The following DNM3 variants were observed in gnomAD, a reference collection of about 807,000 sequenced individuals.
DNM3 encodes the protein dynamin 3.
A neutral mutation model predicts 101.6 loss-of-function variants in DNM3; 47 were observed. That is an observed-to-expected ratio of 0.46 (90% CI 0.37 to 0.59). The LOEUF (loss-of-function observed/expected upper bound fraction) is 0.59. Among genes scored for constraint, DNM3 ranks in the 20% least tolerant of loss-of-function variants. DNM3 has a pLI of 0.00. For missense variants in DNM3, 849 were observed against 1,085.7 expected, an observed-to-expected ratio of 0.78 and a Z score of 3.06; for synonymous variants, 385 against 387.9, an observed-to-expected ratio of 0.99 and a Z score of 0.09.
intron 2 of DNM3, among the ~76,000 whole-genome samples, chr1:171,944,530 T>A (rs1026971349): frequency 6.6e-6 from 1 of 151,874 alleles, no homozygotes; most frequent in African/African-American, 2.4e-5. Context: ...TGTGCCATCA[T>A]GCCCAGCTAA....
chr1:171,842,370 T>C (rs2031389098), intron 1 of DNM3, among the ~76,000 whole-genome samples: 1 of 152,134 alleles, frequency 6.6e-6, no homozygotes, highest in South Asian at 2.1e-4. Context: ...TGCCTGCCTC[T>C]AGCTGGGGAG....
At chr1:172,087,822 A>G (rs1477075523) in intron 12 of DNM3, among the ~76,000 whole-genome samples, 1 of 152,188 alleles carries the variant, frequency 6.6e-6, no homozygotes, top group Non-Finnish European at 1.5e-5. Context: ...GTCTAAACTT[A>G]TTAATGTAAT....
At chr1:172,219,639 A>G (rs1282918605) in intron 14 of DNM3, among the ~76,000 whole-genome samples, 1 of 152,144 alleles carries the variant, frequency 6.6e-6, no homozygotes, top group Non-Finnish European at 1.5e-5. Flanking sequence ...GGACCTTTTT[A>G]GAACGCAAAA....
intron 2 of DNM3, among the ~76,000 whole-genome samples, chr1:171,954,860 C>A (rs918683115): frequency 6.6e-6 from 1 of 152,138 alleles, no homozygotes; most frequent in Non-Finnish European, 1.5e-5. Flanking sequence ...CCTGAGAAAG[C>A]TAAAAATATG....
chr1:172,062,180 T>C (rs2051285489), intron 10 of DNM3, among the ~76,000 whole-genome samples: 2 of 152,184 alleles, frequency 1.3e-5, no homozygotes, highest in African/African-American at 4.8e-5. Context: ...GTTGTGAAGT[T>C]TTTTTCCATT....
At chr1:172,175,003 T>C (rs1471681472) in intron 14 of DNM3, among the ~76,000 whole-genome samples, 2 of 151,706 alleles carry the variant, frequency 1.3e-5, no homozygotes, top group African/African-American at 4.8e-5. Flanking sequence ...TCTTATTTCA[T>C]ATGGAGTAAA....
intron 14 of DNM3, among the ~76,000 whole-genome samples, chr1:172,238,828 A>C (rs768182906): frequency 6.6e-6 from 1 of 150,418 alleles, no homozygotes; most frequent in Non-Finnish European, 1.5e-5. Context: ...CAGGATAAGA[A>C]AAAAAAAAAA....
At chr1:172,018,687 T>C (rs2047615511) in intron 4 of DNM3, among the ~76,000 whole-genome samples, 1 of 152,200 alleles carries the variant, frequency 6.6e-6, no homozygotes, top group Non-Finnish European at 1.5e-5. Flanking sequence ...AAATATTTTA[T>C]TTACATATAA....
intron 14 of DNM3, among the ~76,000 whole-genome samples, chr1:172,170,861 C>T (rs2058931003): frequency 6.6e-6 from 1 of 151,670 alleles, no homozygotes; most frequent in Non-Finnish European, 1.5e-5. Context: ...AATTGCATTT[C>T]TGAGTTTCTA....
intron 16 of DNM3, among the ~76,000 whole-genome samples, chr1:172,314,922 A>C (rs1375032853): frequency 1.3e-5 from 2 of 152,180 alleles, no homozygotes; most frequent in Non-Finnish European, 2.9e-5. Flanking sequence ...ATCTGAGAAC[A>C]GGCAGACTGC....
intron 1 of DNM3, among the ~76,000 whole-genome samples, chr1:171,850,467 A>C (rs920469489): frequency 6.6e-6 from 1 of 152,174 alleles, no homozygotes; most frequent in East Asian, 1.9e-4. Flanking sequence ...GGTTAATAAA[A>C]CTAAGACCCA....
At chr1:171,850,000 C>T (rs2032733220) in intron 1 of DNM3, among the ~76,000 whole-genome samples, 1 of 152,062 alleles carries the variant, frequency 6.6e-6, no homozygotes, top group African/African-American at 2.4e-5. Context: ...TAAAGTAAAC[C>T]ATTCTTAGCA....
chr1:171,992,224 T>C (rs2045684044), intron 4 of DNM3, among the ~76,000 whole-genome samples: 2 of 152,184 alleles, frequency 1.3e-5, no homozygotes, highest in African/African-American at 4.8e-5. Flanking sequence ...GGAATATTAA[T>C]GGGCAGTAAC....
At chr1:172,015,928 CA>C (rs1371081564) in intron 4 of DNM3, among the ~76,000 whole-genome samples, 1 of 151,690 alleles carries the variant, frequency 6.6e-6, no homozygotes, top group Non-Finnish European at 1.5e-5. Context: ...GTAATCCCAG[CA>C]CTTTGGGAGG....
At position 172,066,443 on chromosome 1, in the gene DNM3, G is replaced by A. The variant is rs187431922; in HGVS notation, c.1336-2376G>A. ...TATTGTAAGGGTGCTGAGTGTGGTAGCATGCTAGCTCAGGTCGCTAGTCCT... is the reference window on the plus strand; with the variant it reads ...TATTGTAAGGGTGCTGAGTGTGGTAACATGCTAGCTCAGGTCGCTAGTCCT... On this transcript the variant is annotated intron_variant, in intron 10 of 20. Transcript: ENST00000627582. Among the ~76,000 whole-genome samples, 33 of 152,264 alleles carry A rather than the reference G, an allele frequency of 2.2e-4. 1 individual carries two copies. The East Asian group carries it at 6.2e-3, about 28-fold the overall frequency.
chr1:172,239,970 T>A (rs1438238910), intron 14 of DNM3, among the ~76,000 whole-genome samples: 1 of 151,936 alleles, frequency 6.6e-6, no homozygotes, highest in African/African-American at 2.4e-5. Flanking sequence ...GTGCTTGCAG[T>A]GATCCAGCCA....
At chr1:172,134,760 G>A (rs915193723) in intron 14 of DNM3, among the ~76,000 whole-genome samples, 3 of 152,148 alleles carry the variant, frequency 2.0e-5, no homozygotes, top group Non-Finnish European at 4.4e-5. Flanking sequence ...GACATAGAGT[G>A]TCTGGGATAG....
chr1:172,067,450 A>G (rs2051774941), intron 10 of DNM3, among the ~76,000 whole-genome samples: 1 of 152,020 alleles, frequency 6.6e-6, no homozygotes, highest in Non-Finnish European at 1.5e-5. Context: ...GATCTGCTTG[A>G]TGTGGCCCCT....
At position 172,257,877 on chromosome 1, in the gene DNM3, A is replaced by AACACACACACACAC. The variant is rs56955112; in HGVS notation, c.1769+4211_1769+4224dup. Reference sequence around the variant, plus strand: ...TCATCCTCTCTCCCCAACCCCCACCAACACACACACACACACACACACACA... The same window carrying AACACACACACACAC: ...TCATCCTCTCTCCCCAACCCCCACCAACACACACACACACACACACACACACACACACACACACA... On this transcript the variant is annotated intron_variant, in intron 15 of 20. Coordinates refer to ENST00000627582, the MANE Select transcript of DNM3 (RefSeq NM_015569.5). Among the ~76,000 whole-genome samples, 30 of 145,224 alleles carry AACACACACACACAC rather than the reference A, an allele frequency of 2.1e-4. 1 individual carries two copies. The highest frequency in any genetic ancestry group is 6.8e-4 in the African/African-American group (27 of 39,748).
Sources: gnomAD v4.1 joint callset for allele counts (sites outside exome capture counted in the v4.1 genomes callset) on GRCh38, gnomAD v4.1.1 for gene constraint, MANE v1.5 for transcripts, NCBI Gene and HGNC (gene_info 2026-07-23, HGNC 2026-07-21) for gene names.